The following PLOD1 variants were observed in gnomAD, a reference collection of about 807,000 sequenced individuals.
The protein encoded by PLOD1 is lysine hydroxylase.
PLOD1 carries 70 observed loss-of-function variants against 94.7 expected under a neutral mutation model. The observed-to-expected ratio is 0.74, with a 90% confidence interval of 0.61 to 0.90. The LOEUF is 0.90. Ranked by LOEUF, PLOD1 falls within the 40% of genes least tolerant of loss-of-function variation. The pLI is 0.00. For synonymous variants in PLOD1, 417 were observed against 400.2 expected (o/e 1.04, Z -0.50); for missense variants, 905 against 972.7 (o/e 0.93, Z 0.93).
chr1:11,966,266 T>C lies in PLOD1; in HGVS notation c.1600T>C (p.Tyr534His). ...CTTCCCACAGGACTGGAAGGAGAAGTACATCCACCAGAACTACACCAAAGC... is the reference window on the plus strand; with the variant it reads ...CTTCCCACAGGACTGGAAGGAGAAGCACATCCACCAGAACTACACCAAAGC... ...FSNPEDWKEK[Y>H]IHQNYTKALA... is the part of the protein sequence containing the mutation. The change falls in exon 15 of 19, where the codon TAC (tyrosine) becomes CAC (histidine). Residue 534 changes from tyrosine to histidine, a missense_variant. By Grantham distance (83) the Tyr-to-His change is moderately conservative. Coordinates refer to ENST00000196061, the MANE Select transcript of PLOD1 (RefSeq NM_000302.4). 6.2e-7 allele frequency: 1 copy of C among 1,604,980 alleles called. No individual in the cohort carries two copies. Among genetic ancestry groups the C allele is most frequent in the Non-Finnish European group, 8.5e-7 (1 of 1,175,858 alleles).
At chr1:11,974,321 T>C (rs1374338356) in intron 18 of PLOD1, among the ~76,000 whole-genome samples, 1 of 152,162 alleles carries the variant, frequency 6.6e-6, no homozygotes, top group African/African-American at 2.4e-5. Context: ...TAGCTGGGAT[T>C]ACAGGCGTGC....
intron 14 of PLOD1, 114 bp from the exon 15 acceptor site, chr1:11,966,137 A>G (rs573909768): frequency 1.3e-6 from 1 of 781,074 alleles, no homozygotes; most frequent in African/African-American, 1.7e-5. Context: ...GCAGGTGAAC[A>G]CCTGCCTCTG....
rs1645799858 is a variant in PLOD1 at position 11,964,246 on chromosome 1, A to G, written c.1274A>G (p.Asp425Gly). 6 of 1,399,944 alleles carry G rather than the reference A, an allele frequency of 4.3e-6. No individual in the cohort carries two copies. The highest frequency in any genetic ancestry group is 5.7e-6 in the Non-Finnish European group (6 of 1,047,658). The allele number at this position is 1,399,944 out of a possible 1,614,324, so 86.7% of individuals were successfully genotyped here. Residue 425 changes from aspartate (D) to glycine (G), a missense_variant, in exon 12 of 19, where the codon GAT becomes GGT. Asp to Gly is a moderately conservative substitution (Grantham distance 94). Transcript: ENST00000196061. ...WSNFWGALSA[D>G]GYYARSEDYV... ...AACTTCTGGGGGGCTCTCAGTGCAGATGGCTACTATGCCCGTTCCGAGGAC... is the reference window on the plus strand; with the variant it reads ...AACTTCTGGGGGGCTCTCAGTGCAGGTGGCTACTATGCCCGTTCCGAGGAC...
At chr1:11,960,608 C>T (rs368754769) in intron 9 of PLOD1, 38 bp from the exon 10 acceptor site, 5 of 1,420,874 alleles carry the variant, frequency 3.5e-6, no homozygotes, top group Non-Finnish European at 5.0e-6. Flanking sequence ...GTGTCCTCCT[C>T]CTCACCCCCG....
rs1645809151 is a variant in PLOD1 at position 11,965,413 on chromosome 1, G to T, written c.1471-67G>T. On this transcript the variant is annotated intron_variant, in intron 13 of 18. Transcript: ENST00000196061. ...TGCACTGTTGCCCGTCTGGGAGCGT[G>T]CAGGGGAGGGGTGAGGGCAGGGGAG... 1.7e-5 allele frequency: 16 copies of T among 928,498 alleles called. No individual in the cohort carries two copies. The South Asian group carries it at 2.1e-4, about 12-fold the overall frequency. 57.5% of individuals were successfully genotyped at this position (928,498 alleles called of 1,614,324 possible).
At position 11,934,741 on chromosome 1, in the gene PLOD1, G is replaced by T. The variant is rs769995450; in HGVS notation, c.-39G>T. On this transcript the variant is annotated 5_prime_UTR_variant, in exon 1 of 19. Transcript: ENST00000196061. ...CGTCGCGAAGTTTCCAGCCCTGCGAGCGCCGCCGGGTCGGCCGATCGTCCC... is the reference window on the plus strand; with the variant it reads ...CGTCGCGAAGTTTCCAGCCCTGCGATCGCCGCCGGGTCGGCCGATCGTCCC... The T allele has an allele frequency of 6.5e-5, 99 of 1,518,734 alleles. No homozygotes were observed. The highest frequency in any genetic ancestry group is 8.1e-5 in the Non-Finnish European group (92 of 1,140,104). 94.1% of individuals were successfully genotyped at this position (1,518,734 alleles called of 1,614,324 possible).
At chr1:11,956,891 G>A in intron 6 of PLOD1, 26 bp from the exon 7 acceptor site, 8 of 1,524,070 alleles carry the variant, frequency 5.2e-6, no homozygotes, top group Non-Finnish European at 7.3e-6. Context: ...CTGATGCTGG[G>A]TGGGACTGTG....
chr1:11,952,761 A>G lies in PLOD1; in HGVS notation c.579+26A>G, dbSNP rs1645712383. On this transcript the variant is annotated intron_variant, in intron 5 of 18. Transcript: ENST00000196061. ...GTAAGAGGCAGTGGGCGGGCCAAGG[A>G]GAGGGGGCTGGGGATCCACCGGCCA... 2.0e-6 allele frequency: 3 copies of G among 1,526,284 alleles called. No homozygotes were observed. The African/African-American group carries it at 4.1e-5, about 21-fold the overall frequency. The allele number at this position is 1,526,284 out of a possible 1,614,324, so 94.5% of individuals were successfully genotyped here.
At position 11,963,930 on chromosome 1, in the gene PLOD1, G is replaced by T. The variant is rs1259528120; in HGVS notation, c.1203-245G>T. ...ACCCAGAGCTGTGGATCCCCAGCCT[G>T]ATACCCCAGGTTCTGATAGAGAAGG... On this transcript the variant is annotated intron_variant, in intron 11 of 18. Coordinates refer to ENST00000196061, the MANE Select transcript of PLOD1 (RefSeq NM_000302.4). This position sits in a 1 kb window ranked among gnomAD's most constrained non-coding sequence, Gnocchi z 4.3. Among the ~76,000 whole-genome samples the T allele has an allele frequency of 6.6e-6, 1 of 151,878 alleles. No homozygotes were observed. The highest frequency in any genetic ancestry group is 1.5e-5 in the Non-Finnish European group (1 of 67,972).
At chr1:11,955,312 C>T (rs1467238858) in intron 6 of PLOD1, among the ~76,000 whole-genome samples, 2 of 152,202 alleles carry the variant, frequency 1.3e-5, no homozygotes, top group Non-Finnish European at 1.5e-5. Context: ...CCGCAAACAT[C>T]CCTGGGCCTG....
Position 11,970,739 on chromosome 1 carries a change from G to T in PLOD1, c.1825G>T (p.Glu609Ter), listed in dbSNP as rs1464654878. The change falls in exon 17 of 19, where the codon GAG becomes TAG. Residue 609 changes from glutamate to a stop codon, truncating the protein, a stop_gained. Coordinates refer to ENST00000196061, the MANE Select transcript of PLOD1 (RefSeq NM_000302.4). LOFTEE classifies it high-confidence loss of function. ...IDIHMNQIGF[E>*]REWHKFLLEY... ...CATCCACATGAACCAGATCGGCTTT[G>T]AGCGGGAGTGGCACAAATTCCTGCT... 2 of 1,612,374 alleles carry T rather than the reference G, an allele frequency of 1.2e-6. No homozygotes were observed. The highest frequency in any genetic ancestry group is 2.7e-5 in the African/African-American group (2 of 74,390).
chr1:11,973,726 G>A (rs1257786765), intron 18 of PLOD1, among the ~76,000 whole-genome samples: 1 of 151,906 alleles, frequency 6.6e-6, no homozygotes, highest in South Asian at 2.1e-4. Flanking sequence ...GACCACAGGC[G>A]TGTGCCACCA....
At position 11,941,467 on chromosome 1, in the gene PLOD1, G is replaced by GATTATTATT. The variant is rs145464263; in HGVS notation, c.77-6490_77-6482dup. Among the ~76,000 whole-genome samples, 380 of 141,896 alleles carry GATTATTATT rather than the reference G, an allele frequency of 2.7e-3. 5 individuals carry two copies. The highest frequency in any genetic ancestry group is 7.3e-3 in the East Asian group (37 of 5,090). 93.1% of individuals were successfully genotyped at this position (141,896 alleles called of 152,430 possible). ...CTGCCTTAGTCTCCTAAGTAGCTGG[G>GATTATTATT]ATTATTATTATTATTATTATTATTA... On this transcript the variant is annotated intron_variant, in intron 1 of 18. Coordinates refer to ENST00000196061, the MANE Select transcript of PLOD1 (RefSeq NM_000302.4).
Position 11,966,986 on chromosome 1 carries a change from GC to G in PLOD1, c.1653del (p.Cys552AlafsTer52). The G allele has an allele frequency of 6.2e-7, 1 of 1,604,490 alleles. No individual in the cohort carries two copies. ...CTTGACTGAGTCCCTGCCCTCCCCA[GC>G]CCTGCCCGGATGTCTATTGGTTCCC... Reference protein sequence around the residue: ...KALAGKLVETPCPDVYWFPIF... With the variant: ...KALAGKLVETXCPDVYWFPIF... On this transcript the variant is annotated frameshift_variant and splice_region_variant, in exon 16 of 19. Coordinates refer to ENST00000196061, the MANE Select transcript of PLOD1 (RefSeq NM_000302.4). LOFTEE classifies it high-confidence loss of function.
In PLOD1 at chr1:11,952,758, A is replaced by G. The variant is rs1434312012; in HGVS notation, c.579+23A>G. ...AGGGTAAGAGGCAGTGGGCGGGCCA[A>G]GGAGAGGGGGCTGGGGATCCACCGG... On this transcript the variant is annotated intron_variant, in intron 5 of 18. Transcript: ENST00000196061. The G allele has an allele frequency of 5.2e-6, 8 of 1,533,598 alleles. No individual in the cohort carries two copies. In the East Asian group the frequency reaches 1.6e-4, roughly 30 times the overall value. 95.0% of individuals were successfully genotyped at this position (1,533,598 alleles called of 1,614,324 possible). A position where few individuals can be genotyped will look rare whatever the true frequency, so the allele number is the denominator to read the frequency against.
chr1:11,940,744 G>A (rs1645609675), intron 1 of PLOD1, among the ~76,000 whole-genome samples: 1 of 152,200 alleles, frequency 6.6e-6, no homozygotes, highest in South Asian at 2.1e-4. Flanking sequence ...CAAGGCAGCT[G>A]GCTGGACCAG....
At chr1:11,944,422 TACACACACACACAC>T (rs5772479) in intron 1 of PLOD1, 31 of 476,862 alleles carry the variant, frequency 6.5e-5, no homozygotes, top group Admixed American at 1.5e-4. Context: ...CATGCACGCG[TACACACACACACAC>T]ACACACACAC....
In PLOD1 at chr1:11,950,381, G is replaced by T; in HGVS notation, c.327G>T (p.Gly109=). 6.2e-7 allele frequency: 1 copy of T among 1,614,168 alleles called. No homozygotes were observed. The highest frequency in any genetic ancestry group is 8.5e-7 in the Non-Finnish European group (1 of 1,180,014). Residue 109 remains glycine, a synonymous_variant, in exon 4 of 19, where the codon GGG becomes GGT. Coordinates refer to ENST00000196061, the MANE Select transcript of PLOD1 (RefSeq NM_000302.4). ...GCTATGACGTGCTGTTTGCATCGGG[G>T]CCCCGGGAGCTCCTGAAGAAGTTCC... ...ADSYDVLFAS[G]PRELLKKFRQ...
At position 11,974,871 on chromosome 1, in the gene PLOD1, T is replaced by C; in HGVS notation, c.*63T>C. 6.4e-7 allele frequency: 1 copy of C among 1,567,506 alleles called. No individual in the cohort carries two copies. Among genetic ancestry groups the C allele is most frequent in the Non-Finnish European group, 8.8e-7 (1 of 1,137,704 alleles). ...CCGACAACCACTGCCCAGCAGCCTC[T>C]GGGACCTCGGGGTCCCAGGGAACCC... is the stretch of plus-strand genomic sequence containing the variant. On this transcript the variant is annotated 3_prime_UTR_variant, in exon 19 of 19. Coordinates refer to ENST00000196061, the MANE Select transcript of PLOD1 (RefSeq NM_000302.4).
Sources: allele counts gnomAD v4.1 joint callset (sites outside exome capture counted in the v4.1 genomes callset), GRCh38; gene constraint gnomAD v4.1.1; non-coding constraint Gnocchi (gnomAD v3.1); transcripts MANE v1.5; gene names NCBI Gene and HGNC (gene_info 2026-07-23, HGNC 2026-07-21).